The following SHLD2 variants were observed in gnomAD, a reference collection of about 807,000 sequenced individuals.
SHLD2 encodes RINN1-REV7-interacting novel NHEJ regulator 2.
SHLD2 carries 30 observed loss-of-function variants against 73.2 expected under a neutral mutation model. The ratio of observed to expected loss-of-function variants is 0.41; its 90% CI spans 0.31 to 0.56. SHLD2 has a LOEUF of 0.56. Ranked by LOEUF, SHLD2 falls within the 20% of genes least tolerant of loss-of-function variation. SHLD2 has a pLI of 0.28. For synonymous variants in SHLD2, 285 were observed against 370.1 expected (o/e 0.77, Z 2.64); for missense variants, 745 against 1,055.9 (o/e 0.71, Z 4.08).
chr10:87,143,870 T>C (rs1233962733), intron 2 of SHLD2, among the ~76,000 whole-genome samples: 7 of 147,494 alleles, frequency 4.7e-5, no homozygotes, highest in East Asian at 2.0e-4. Flanking sequence ...TTCTTTTTTT[T>C]TTTTTTTTTT....
intron 4 of SHLD2, among the ~76,000 whole-genome samples, chr10:87,166,707 T>C (rs1363184925): frequency 6.6e-6 from 1 of 152,174 alleles, no homozygotes; most frequent in Non-Finnish European, 1.5e-5. Context: ...TCATGTAATT[T>C]GATAAGATTA....
chr10:87,156,231 T>G (rs2134371857), intron 3 of SHLD2, among the ~76,000 whole-genome samples: 1 of 152,168 alleles, frequency 6.6e-6, no homozygotes, highest in African/African-American at 2.4e-5. Context: ...CACGCCTGAC[T>G]AATTTTTGTA....
In SHLD2 at chr10:87,157,176, A is replaced by G. The variant is rs375509081; in HGVS notation, c.1526-872A>G. 3.9e-5 allele frequency among the ~76,000 whole-genome samples: 6 copies of G among 152,334 alleles called. No individual in the cohort carries two copies. The East Asian group carries it at 7.7e-4, about 20-fold the overall frequency. ...GGACATTGCTGAGTTTGGGGAGCCA[A>G]TGGAATATCCAGGTGGGAATTTCCA... On this transcript the variant is annotated intron_variant, in intron 3 of 9. Coordinates refer to ENST00000298786, the MANE Select transcript of SHLD2 (RefSeq NM_001330112.2).
chr10:87,133,537 T>C (rs1844584175), intron 2 of SHLD2, among the ~76,000 whole-genome samples: 1 of 152,238 alleles, frequency 6.6e-6, no homozygotes, highest in African/African-American at 2.4e-5. Flanking sequence ...AATTAGCAAG[T>C]AATGAATATT....
intron 2 of SHLD2, among the ~76,000 whole-genome samples, chr10:87,106,059 A>T (rs962456524): frequency 6.6e-6 from 1 of 152,224 alleles, no homozygotes; most frequent in African/African-American, 2.4e-5. Context: ...GCTGGAGTGC[A>T]GTGGTGGGAT....
chr10:87,169,138 A>G (rs1847411091), intron 4 of SHLD2, among the ~76,000 whole-genome samples: 1 of 152,186 alleles, frequency 6.6e-6, no homozygotes, highest in African/African-American at 2.4e-5. Context: ...AGGGACAAAT[A>G]TATAATTTGA....
intron 2 of SHLD2, among the ~76,000 whole-genome samples, chr10:87,102,761 C>G (rs1673215220): frequency 6.6e-6 from 1 of 152,068 alleles, no homozygotes; most frequent in African/African-American, 2.4e-5. Flanking sequence ...GATACGGTTT[C>G]CCTATGTTGC....
chr10:87,137,361 A>G (rs1844868089), intron 2 of SHLD2, among the ~76,000 whole-genome samples: 1 of 152,108 alleles, frequency 6.6e-6, no homozygotes, highest in African/African-American at 2.4e-5. Flanking sequence ...ACCAGAGAAA[A>G]CAAAAAAAGG....
chr10:87,174,854 G>A (rs1015574560), intron 6 of SHLD2, among the ~76,000 whole-genome samples: 15 of 152,154 alleles, frequency 9.9e-5, no homozygotes, highest in African/African-American at 1.7e-4. Context: ...GGTGGCTCCC[G>A]CCTGTAATCC....
chr10:87,136,759 A>G (rs1396152078), intron 2 of SHLD2, among the ~76,000 whole-genome samples: 1 of 152,118 alleles, frequency 6.6e-6, no homozygotes, highest in East Asian at 1.9e-4. Context: ...CTACTCTAGC[A>G]TACATGTAAG....
chr10:87,176,076 C>G lies in SHLD2; in HGVS notation c.2151C>G (p.His717Gln). 1 of 1,548,288 alleles carries G rather than the reference C, an allele frequency of 6.5e-7. No individual in the cohort carries two copies. Among genetic ancestry groups the G allele is most frequent in the Non-Finnish European group, 8.7e-7 (1 of 1,146,794 alleles). Residue 717 changes from histidine (H) to glutamine (Q), a missense_variant, in exon 7 of 10, where the codon CAC (histidine) becomes CAG (glutamine). Physicochemically the swap from His to Gln is conservative, Grantham distance 24. Coordinates refer to ENST00000298786, the MANE Select transcript of SHLD2 (RefSeq NM_001330112.2). ...TGAAGATATCAGACTTAGCAACCCACCTAGAGGATAAGTGTTCAGGTAAGA... is the reference window on the plus strand; with the variant it reads ...TGAAGATATCAGACTTAGCAACCCAGCTAGAGGATAAGTGTTCAGGTAAGA... Reference protein sequence around the residue: ...SFVKISDLATHLEDKCSGVVL... With the variant: ...SFVKISDLATQLEDKCSGVVL...
intron 2 of SHLD2, among the ~76,000 whole-genome samples, chr10:87,124,499 G>A (rs1447918346): frequency 6.6e-6 from 1 of 152,094 alleles, no homozygotes; most frequent in East Asian, 1.9e-4. Flanking sequence ...TCGCACCACT[G>A]CACTCCAGCC....
chr10:87,126,001 T>C (rs1280982190), intron 2 of SHLD2, among the ~76,000 whole-genome samples: 1 of 152,236 alleles, frequency 6.6e-6, no homozygotes, highest in Non-Finnish European at 1.5e-5. Context: ...TGTTATTGTG[T>C]TGGATAACTT....
intron 2 of SHLD2, among the ~76,000 whole-genome samples, chr10:87,110,936 C>T (rs1389498082): frequency 1.1e-4 from 17 of 151,378 alleles, no homozygotes; most frequent in Non-Finnish European, 2.9e-5. Flanking sequence ...CTCTGCCTCC[C>T]GGGTTCAAGC....
chr10:87,113,375 A>T (rs1372305236), intron 2 of SHLD2, among the ~76,000 whole-genome samples: 2 of 152,238 alleles, frequency 1.3e-5, no homozygotes, highest in African/African-American at 4.8e-5. Context: ...CCATCCATAC[A>T]ATTCAGCCAC....
chr10:87,127,528 CGCCCCCCCCCACCCCGTCT>C (rs1481518360), intron 2 of SHLD2, among the ~76,000 whole-genome samples: 1 of 57,162 alleles, frequency 1.7e-5, no homozygotes, highest in Non-Finnish European at 3.3e-5. Context: ...CCCTCTTACC[CGCCCCCCCCCACCCCGTCT>C]GCCACCCCCC....
chr10:87,142,351 A>G (rs1845256834), intron 2 of SHLD2, among the ~76,000 whole-genome samples: 1 of 152,220 alleles, frequency 6.6e-6, no homozygotes, highest in Non-Finnish European at 1.5e-5. Context: ...CTAGCTCCAC[A>G]TTGTGCAAAG....
intron 3 of SHLD2, among the ~76,000 whole-genome samples, chr10:87,156,818 T>C (rs1846464666): frequency 6.6e-6 from 1 of 152,184 alleles, no homozygotes; most frequent in East Asian, 1.9e-4. Context: ...GGCTAGGCAG[T>C]GGGGAACCAC....
intron 2 of SHLD2, among the ~76,000 whole-genome samples, chr10:87,132,489 A>C (rs1844498753): frequency 6.6e-6 from 1 of 152,178 alleles, no homozygotes; most frequent in African/African-American, 2.4e-5. Context: ...TAAAGATTAT[A>C]TTTTGCCAGG....
Sources: allele counts gnomAD v4.1 joint callset (sites outside exome capture counted in the v4.1 genomes callset), GRCh38; gene constraint gnomAD v4.1.1; transcripts MANE v1.5; gene names NCBI Gene and HGNC (gene_info 2026-07-23, HGNC 2026-07-21).